The following BCO1 variants were observed in gnomAD, a reference collection of about 807,000 sequenced individuals.
BCO1 encodes the protein beta,beta-carotene 15,15'-dioxygenase.
BCO1 carries 54 observed loss-of-function variants against 56.3 expected under a neutral mutation model. The ratio of observed to expected loss-of-function variants is 0.96; its 90% confidence interval spans 0.77 to 1.20. BCO1 has a LOEUF of 1.20. Among genes scored for constraint, BCO1 ranks in the 50% most tolerant of loss-of-function variants. BCO1 has a pLI of 0.00. For synonymous variants in BCO1, 318 were observed against 266.1 expected (o/e 1.20, Z -1.90); for missense variants, 801 against 690.9 (o/e 1.16, Z -1.79).
intron 3 of BCO1, among the ~76,000 whole-genome samples, chr16:81,260,426 G>A (rs962533808): frequency 6.6e-6 from 1 of 152,124 alleles, no homozygotes; most frequent in Non-Finnish European, 1.5e-5. Flanking sequence ...AACTAGGAAA[G>A]GATGCACAGG....
intron 2 of BCO1, among the ~76,000 whole-genome samples, chr16:81,251,083 TGGGCTAGTG>T (rs1388576750): frequency 6.6e-6 from 1 of 152,204 alleles, no homozygotes. Flanking sequence ...AGAAGAACCA[TGGGCTAGTG>T]AATAGCCTTC....
intron 1 of BCO1, among the ~76,000 whole-genome samples, chr16:81,244,366 A>G (rs1176856182): frequency 6.6e-6 from 1 of 151,308 alleles, no homozygotes; most frequent in African/African-American, 2.4e-5. Flanking sequence ...TTTTAACACA[A>G]CAAATCCAAG....
At chr16:81,279,226 C>T (rs1342214383) in intron 7 of BCO1, among the ~76,000 whole-genome samples, 2 of 152,194 alleles carry the variant, frequency 1.3e-5, no homozygotes, top group Non-Finnish European at 2.9e-5. Flanking sequence ...CTACAGTGAG[C>T]TGTCATCACA....
intron 6 of BCO1, among the ~76,000 whole-genome samples, chr16:81,269,849 A>C (rs988870859): frequency 6.6e-5 from 10 of 152,204 alleles, no homozygotes; most frequent in African/African-American, 2.4e-4. Flanking sequence ...ATGTCAGGAC[A>C]ATGGAACAAG....
At chr16:81,249,472 G>A (rs1169288203) in intron 2 of BCO1, among the ~76,000 whole-genome samples, 1 of 152,274 alleles carries the variant, frequency 6.6e-6, no homozygotes, top group Non-Finnish European at 1.5e-5. Flanking sequence ...TAGCCAGGAT[G>A]GTCTTGATCT....
At chr16:81,257,017 C>T (rs1179357073) in intron 2 of BCO1, among the ~76,000 whole-genome samples, 1 of 152,208 alleles carries the variant, frequency 6.6e-6, no homozygotes, top group Non-Finnish European at 1.5e-5. Context: ...TCAACGCCTG[C>T]AAGAAGGGTT....
At chr16:81,261,348 T>A (rs1170459453) in intron 3 of BCO1, among the ~76,000 whole-genome samples, 4 of 152,254 alleles carry the variant, frequency 2.6e-5, no homozygotes, top group Non-Finnish European at 4.4e-5. Flanking sequence ...TCTGATCAAA[T>A]GAGCTATGTG....
intron 7 of BCO1, among the ~76,000 whole-genome samples, chr16:81,271,219 G>A (rs1399843911): frequency 6.6e-6 from 1 of 151,232 alleles, no homozygotes; most frequent in Non-Finnish European, 1.5e-5. Flanking sequence ...GATTCAAGCG[G>A]TTCTCCTGCC....
intron 10 of BCO1, among the ~76,000 whole-genome samples, chr16:81,288,807 A>G (rs1908318751): frequency 6.6e-6 from 1 of 152,214 alleles, no homozygotes; most frequent in Admixed American, 6.5e-5. Context: ...TGGGGCTGCC[A>G]CACCTGCAAG....
intron 2 of BCO1, among the ~76,000 whole-genome samples, chr16:81,247,261 C>T (rs1173788337): frequency 6.6e-6 from 1 of 152,140 alleles, no homozygotes; most frequent in Non-Finnish European, 1.5e-5. Flanking sequence ...TCAGTTTCCT[C>T]ATCAGTAAAA....
intron 9 of BCO1, 90 bp from the exon 10 acceptor site, chr16:81,287,205 C>G: frequency 1.0e-6 from 1 of 982,070 alleles, no homozygotes. Context: ...GCTTCATCTC[C>G]TCTGTGTGGA....
In BCO1 at chr16:81,245,600, G is replaced by C; in HGVS notation, c.190G>C (p.Asp64His). 1.2e-6 allele frequency: 2 copies of C among 1,614,216 alleles called. No homozygotes were observed. Among genetic ancestry groups the C allele is most frequent in the Non-Finnish European group, 1.7e-6 (2 of 1,180,042 alleles). ...CCTGCTCCACAGCTTCACCATCAGA[G>C]ACGGTGAGAACACCCACGAGTGTGC... ...LALLHSFTIR[D>H]GEVYYRSKYL... The change falls in exon 2 of 11, where the codon GAC (aspartate) becomes CAC (histidine). Residue 64 changes from aspartate to histidine, a missense_variant. Transcript: ENST00000258168.
chr16:81,248,200 G>A (rs969477276), intron 2 of BCO1, among the ~76,000 whole-genome samples: 85 of 151,674 alleles, frequency 5.6e-4, no homozygotes, highest in African/African-American at 2.0e-3. Flanking sequence ...TCAGGAGTTC[G>A]AGACCAGCCT....
At position 81,238,722 on chromosome 16, in the gene BCO1, G is replaced by C; in HGVS notation, c.-187G>C. ...AAAGAGATCCAGGGCTCTTGGAGAG[G>C]GACAAGTGAGAGCCAGCCAAAAAGG... On this transcript the variant is annotated 5_prime_UTR_variant, in exon 1 of 11. Transcript: ENST00000258168. The C allele has an allele frequency of 3.0e-6, 2 of 662,256 alleles. No homozygotes were observed. The highest frequency in any genetic ancestry group is 1.7e-5 in the South Asian group (1 of 58,878). The allele number at this position is 662,256 out of a possible 1,614,324, so 41.0% of individuals were successfully genotyped here. A position where few individuals can be genotyped will look rare whatever the true frequency, so the allele number is the denominator to read the frequency against.
At chr16:81,240,727 C>A (rs1034705408) in intron 1 of BCO1, among the ~76,000 whole-genome samples, 1 of 151,906 alleles carries the variant, frequency 6.6e-6, no homozygotes, top group East Asian at 1.9e-4. Context: ...AAAAAAAAAC[C>A]AGGCACCCCA....
In BCO1 at chr16:81,269,182, C is replaced by T. The variant is rs569661899; in HGVS notation, c.844-977C>T. ...TATAGAAAGCCATGTATAAAATCCTCCCCAACTCACTTCCCCCCTCCTGCC... is the reference window on the plus strand; with the variant it reads ...TATAGAAAGCCATGTATAAAATCCTTCCCAACTCACTTCCCCCCTCCTGCC... On this transcript the variant is annotated intron_variant, in intron 6 of 10. Coordinates refer to ENST00000258168, the MANE Select transcript of BCO1 (RefSeq NM_017429.3). Among the ~76,000 whole-genome samples, 5 of 150,040 alleles carry T rather than the reference C, an allele frequency of 3.3e-5. No homozygotes were observed. The South Asian group carries it at 1.0e-3, about 31-fold the overall frequency.
intron 2 of BCO1, among the ~76,000 whole-genome samples, chr16:81,249,096 T>C (rs1473601818): frequency 3.4e-5 from 5 of 148,358 alleles, no homozygotes; most frequent in Admixed American, 6.7e-5. Flanking sequence ...TTCTTTCTTT[T>C]TTTTTTTTTT....
intron 8 of BCO1, among the ~76,000 whole-genome samples, 186 bp from the exon 9 acceptor site, chr16:81,285,354 A>G (rs143120633): frequency 1.1e-4 from 17 of 152,300 alleles, no homozygotes; most frequent in African/African-American, 2.9e-4. Context: ...AGCTGGGGTA[A>G]TTAAATTACC....
chr16:81,263,045 C>G (rs1356108873), intron 4 of BCO1: 3 of 152,112 alleles, frequency 2.0e-5, no homozygotes, highest in Non-Finnish European at 4.4e-5. Context: ...ATGCATCCCT[C>G]CAGCCTCTGC....
Sources: gnomAD v4.1 joint callset for allele counts (sites outside exome capture counted in the v4.1 genomes callset) on GRCh38, gnomAD v4.1.1 for gene constraint, MANE v1.5 for transcripts, NCBI Gene and HGNC (gene_info 2026-07-23, HGNC 2026-07-21) for gene names.